Variants in MCF2L observed in about 807,000 individuals in gnomAD.
MCF2L encodes MCF.2 cell line derived transforming sequence like, also known as guanine nucleotide exchange factor DBS.
Under a neutral mutation model 153.4 loss-of-function variants are expected in MCF2L, and 97 were observed. The observed-to-expected ratio is 0.63, with a 90% CI of 0.54 to 0.75. The LOEUF is 0.75. Among genes scored for constraint, MCF2L ranks in the 30% least tolerant of loss-of-function variants. The pLI is 0.00. For synonymous variants in MCF2L, 659 were observed against 632.2 expected, an observed-to-expected ratio of 1.04 and a Z score of -0.64; for missense variants, 1,347 against 1,495.2, an observed-to-expected ratio of 0.90 and a Z score of 1.64.
At chr13:112,967,068 G>A (rs548212054), upstream of MCF2L, among the ~76,000 whole-genome samples, 1 of 152,188 alleles carries the variant, frequency 6.6e-6, no homozygotes, top group East Asian at 1.9e-4. Context: ...CGTGTGGGCT[G>A]AGGACCAGGG....
At chr13:112,994,111 C>T (rs970989471) in intron 1 of MCF2L, among the ~76,000 whole-genome samples, 2 of 152,136 alleles carry the variant, frequency 1.3e-5, no homozygotes, top group South Asian at 2.1e-4. Flanking sequence ...CCCAAGCTGA[C>T]GTCACTGTCT....
At position 112,993,226 on chromosome 13, in the gene MCF2L, G is replaced by C. The variant is rs2082963558; in HGVS notation, c.80-21537G>C. Among the ~76,000 whole-genome samples, 1 of 152,252 alleles carries C rather than the reference G, an allele frequency of 6.6e-6. No homozygotes were observed. Among genetic ancestry groups the C allele is most frequent in the Non-Finnish European group, 1.5e-5 (1 of 68,046 alleles). On this transcript the variant is annotated intron_variant, in intron 1 of 29. Transcript: ENST00000535094. This position sits in a 1 kb window ranked among gnomAD's most constrained non-coding sequence, Gnocchi z 4.6. ...ATGGAGACACGATGGCACAGCCCCG[G>C]TGAAGCCACGTGATGTCTTCGTGTG... is the stretch of plus-strand genomic sequence containing the variant.
At chr13:112,977,825 T>C (rs1023265489) in intron 1 of MCF2L, among the ~76,000 whole-genome samples, 2 of 152,230 alleles carry the variant, frequency 1.3e-5, no homozygotes, top group African/African-American at 4.8e-5. Flanking sequence ...CTTGATTTCC[T>C]GGTTATTCAA....
intron 1 of MCF2L, among the ~76,000 whole-genome samples, chr13:112,981,349 C>A (rs1274399494): frequency 6.6e-6 from 1 of 152,200 alleles, no homozygotes; most frequent in Non-Finnish European, 1.5e-5. Flanking sequence ...AGCGACAGGG[C>A]CTCTCTGCGG....
intron 12 of MCF2L, 34 bp from the exon 13 acceptor site, chr13:113,077,018 T>C: frequency 6.3e-7 from 1 of 1,580,718 alleles, no homozygotes; most frequent in Non-Finnish European, 8.6e-7. Context: ...GACACCAACA[T>C]GTGCAAGGCA....
chr13:112,994,221 G>GT (rs1246670658), intron 1 of MCF2L, among the ~76,000 whole-genome samples: 26 of 151,674 alleles, frequency 1.7e-4, no homozygotes, highest in African/African-American at 6.1e-4. Context: ...CACGGTGCGT[G>GT]GGATGCCAAG....
chr13:112,916,310 G>C (rs115744446), intron 2 of MCF2L, among the ~76,000 whole-genome samples: 2,376 of 152,194 alleles, frequency 0.016, 55 homozygotes, highest in African/African-American at 0.05. Flanking sequence ...TTTGTTCCCA[G>C]AAGCCATTTT....
At chr13:112,988,585 C>T (rs139292816) in intron 1 of MCF2L, among the ~76,000 whole-genome samples, 2,767 of 138,414 alleles carry the variant, frequency 0.02, 59 homozygotes, top group African/African-American at 0.071. Flanking sequence ...GGATGGGCTA[C>T]GACACTGGAG....
intron 1 of MCF2L, among the ~76,000 whole-genome samples, chr13:112,989,031 C>T (rs1246085981): frequency 4.2e-5 from 5 of 117,774 alleles, no homozygotes; most frequent in Admixed American, 8.0e-5. Context: ...GGAGCTACCA[C>T]GCCCAAGTCC....
In MCF2L at chr13:112,945,298, T is replaced by C. The variant is rs2081626403; in HGVS notation, c.169+42927T>C. Among the ~76,000 whole-genome samples the C allele has an allele frequency of 2.0e-5, 3 of 152,176 alleles. No individual in the cohort carries two copies. The South Asian group carries it at 6.2e-4, about 31-fold the overall frequency. The stretch of plus-strand genomic sequence containing the variant: ...GAACCCTCAAGTAAACGATATGCTT[T>C]AGTTAGTAATGATGTATCAAATTGT... On this transcript the variant is annotated intron_variant, in intron 2 of 29. Coordinates refer to the MCF2L transcript ENST00000375608.
intron 1 of MCF2L, among the ~76,000 whole-genome samples, chr13:113,003,558 C>T (rs2083504510): frequency 6.6e-6 from 1 of 152,054 alleles, no homozygotes; most frequent in Non-Finnish European, 1.5e-5. Flanking sequence ...GGTTTTGCAC[C>T]CCTGAAGCCC....
In MCF2L at chr13:113,096,658, G is replaced by C. The variant is rs774323298; in HGVS notation, c.3292+5G>C. On this transcript the variant is annotated splice_donor_5th_base_variant and intron_variant, in intron 29 of 29. Transcript: ENST00000535094. ...CCCAGTGCCTGAGCAGCTCAGGTAAGGCCCACGTGCCCCGAGCCCACCCGT... is the reference window on the plus strand; with the variant it reads ...CCCAGTGCCTGAGCAGCTCAGGTAACGCCCACGTGCCCCGAGCCCACCCGT... The C allele has an allele frequency of 9.0e-5, 142 of 1,581,528 alleles. No homozygotes were observed. The highest frequency in any genetic ancestry group is 1.1e-4 in the Non-Finnish European group (132 of 1,170,772).
chr13:113,055,080 T>G (rs2087638740), intron 4 of MCF2L, among the ~76,000 whole-genome samples: 1 of 152,226 alleles, frequency 6.6e-6, no homozygotes, highest in Non-Finnish European at 1.5e-5. Context: ...CCCCAGCTTT[T>G]AATACAAACG....
At chr13:113,001,593 A>T in intron 1 of MCF2L, 1 of 858,630 alleles carries the variant, frequency 1.2e-6, no homozygotes, top group African/African-American at 1.8e-5. Context: ...CCCTGCAGGG[A>T]GGGTCTAGAC....
chr13:112,938,165 G>T (rs1240181603), intron 2 of MCF2L, among the ~76,000 whole-genome samples: 3 of 129,138 alleles, frequency 2.3e-5, no homozygotes, highest in African/African-American at 5.9e-5. Context: ...TGAGCGCTGA[G>T]GGGTTGGTTC....
At chr13:113,096,676 C>T in intron 29 of MCF2L, 23 bp downstream of exon 29, 1 of 1,567,968 alleles carries the variant, frequency 6.4e-7, no homozygotes, top group Non-Finnish European at 8.6e-7. Context: ...TGCCCCGAGC[C>T]CACCCGTGAC....
chr13:113,096,298 C>A (rs1170818530), intron 27 of MCF2L, 73 bp from the exon 28 acceptor site: 2 of 1,223,792 alleles, frequency 1.6e-6, no homozygotes, highest in Non-Finnish European at 1.2e-6. Flanking sequence ...GCCCGGCACT[C>A]CGCCTGGCTG....
chr13:113,066,150 C>T lies in MCF2L; in HGVS notation c.861C>T (p.Asp287=), dbSNP rs778120496. The change falls in exon 8 of 30, where the codon GAC becomes GAT. Residue 287 remains aspartate, a synonymous_variant. Transcript: ENST00000535094. ...CCAGTGTGAACCAGGACCAGCTTGA[C>T]AACCAGGCCACCGTGCAGAGGTGAG... The part of the protein sequence containing the change: ...SEPSVNQDQL[D]NQATVQRLLA... 7 of 1,612,330 alleles carry T rather than the reference C, an allele frequency of 4.3e-6. No homozygotes were observed. The highest frequency in any genetic ancestry group is 5.1e-6 in the Non-Finnish European group (6 of 1,179,698).
At position 113,017,869 on chromosome 13, in the gene MCF2L, C is replaced by A. The variant is rs371671149; in HGVS notation, c.163+3023C>A. Among the ~76,000 whole-genome samples, 9 of 152,330 alleles carry A rather than the reference C, an allele frequency of 5.9e-5. No individual in the cohort carries two copies. The South Asian group carries it at 1.9e-3, about 32-fold the overall frequency. ...GTCTTTGGATGCCTGGAATGGCTTCCGTGAAGTGCCAGAGCAAAAAACTAA... is the reference window on the plus strand; with the variant it reads ...GTCTTTGGATGCCTGGAATGGCTTCAGTGAAGTGCCAGAGCAAAAAACTAA... On this transcript the variant is annotated intron_variant, in intron 2 of 29. Coordinates refer to ENST00000535094, the MANE Select transcript of MCF2L (RefSeq NM_001112732.3).
Sources: allele counts gnomAD v4.1 joint callset (sites outside exome capture counted in the v4.1 genomes callset), GRCh38; gene constraint gnomAD v4.1.1; non-coding constraint Gnocchi (gnomAD v3.1); transcripts MANE v1.5; gene names NCBI Gene and HGNC (gene_info 2026-07-23, HGNC 2026-07-21).